Variants in LRRC63 observed in about 807,000 individuals in gnomAD.
LRRC63 encodes the protein leucine rich repeat containing 63, also known as leucine-rich repeat-containing protein 63.
LRRC63 carries 40 observed loss-of-function variants against 49.5 expected under a neutral mutation model. The observed-to-expected ratio is 0.81, with a 90% CI of 0.63 to 1.05. The LOEUF is 1.05. Among genes scored for constraint, LRRC63 ranks in the 50% least tolerant of loss-of-function variants. The pLI is 0.00. For missense variants in LRRC63, 636 were observed against 663.1 expected, an observed-to-expected ratio of 0.96 and a Z score of 0.45; for synonymous variants, 191 against 221.1, an observed-to-expected ratio of 0.86 and a Z score of 1.21.
chr13:46,249,421 A>G (rs2047313311), intron 6 of LRRC63, among the ~76,000 whole-genome samples: 1 of 151,864 alleles, frequency 6.6e-6, no homozygotes, highest in African/African-American at 2.4e-5. Flanking sequence ...TTATGTTACT[A>G]AAGACCAGGA....
chr13:46,216,798 A>C (rs767457872), intron 2 of LRRC63, among the ~76,000 whole-genome samples: 1 of 152,158 alleles, frequency 6.6e-6, no homozygotes, highest in Non-Finnish European at 1.5e-5. Context: ...GTTTATTGAG[A>C]GTTTTTAGCA....
intron 4 of LRRC63, among the ~76,000 whole-genome samples, chr13:46,230,684 C>G (rs1257937425): frequency 6.6e-6 from 1 of 152,208 alleles, no homozygotes; most frequent in Non-Finnish European, 1.5e-5. Context: ...TTATGCACAT[C>G]TCTCTAGCAA....
intron 8 of LRRC63, among the ~76,000 whole-genome samples, 155 bp downstream of exon 8, chr13:46,262,147 G>T (rs1479890140): frequency 1.3e-5 from 2 of 151,596 alleles, no homozygotes; most frequent in African/African-American, 4.9e-5. Context: ...AATGATTGGT[G>T]TACAGTATTT....
At chr13:46,238,072 T>C (rs2046953736) in intron 5 of LRRC63, among the ~76,000 whole-genome samples, 1 of 152,060 alleles carries the variant, frequency 6.6e-6, no homozygotes, top group African/African-American at 2.4e-5. Context: ...CATTACATAA[T>C]GTTAAGGGCT....
intron 5 of LRRC63, among the ~76,000 whole-genome samples, chr13:46,239,598 A>G (rs1454596353): frequency 6.6e-6 from 1 of 152,186 alleles, no homozygotes; most frequent in East Asian, 1.9e-4. Context: ...AACTATTCCA[A>G]AAAAATTGAG....
At chr13:46,217,350 T>C (rs1010426356) in intron 2 of LRRC63, among the ~76,000 whole-genome samples, 6 of 152,206 alleles carry the variant, frequency 3.9e-5, no homozygotes, top group Non-Finnish European at 7.3e-5. Flanking sequence ...AGGGTGTATG[T>C]GTCCAGAAAT....
intron 7 of LRRC63, among the ~76,000 whole-genome samples, chr13:46,260,110 A>G (rs1444771617): frequency 6.6e-6 from 1 of 152,198 alleles, no homozygotes; most frequent in Non-Finnish European, 1.5e-5. Context: ...TCTAGAACCT[A>G]TTCAGCTTCC....
intron 7 of LRRC63, among the ~76,000 whole-genome samples, chr13:46,250,724 C>A (rs1034176871): frequency 6.6e-6 from 1 of 151,868 alleles, no homozygotes; most frequent in African/African-American, 2.4e-5. Flanking sequence ...TATCTGAGTA[C>A]GGGTTAAATT....
chr13:46,243,205 T>C (rs973366354), intron 5 of LRRC63, among the ~76,000 whole-genome samples: 3 of 152,230 alleles, frequency 2.0e-5, no homozygotes, highest in African/African-American at 2.4e-5. Flanking sequence ...GAGTTTGTTT[T>C]TGATGCTTTT....
chr13:46,248,439 C>T (rs2047279451), intron 6 of LRRC63, among the ~76,000 whole-genome samples: 2 of 151,590 alleles, frequency 1.3e-5, no homozygotes, highest in South Asian at 4.1e-4. Flanking sequence ...GAGGTTGAAG[C>T]CAAAAGCATG....
At chr13:46,255,018 C>T (rs1010311872) in intron 7 of LRRC63, among the ~76,000 whole-genome samples, 1 of 152,044 alleles carries the variant, frequency 6.6e-6, no homozygotes, top group African/African-American at 2.4e-5. Context: ...CTCAAATGTC[C>T]ATTAACAGAT....
intron 4 of LRRC63, among the ~76,000 whole-genome samples, chr13:46,233,959 C>T (rs534213261): frequency 1.3e-5 from 2 of 152,154 alleles, no homozygotes; most frequent in African/African-American, 4.8e-5. Context: ...ATATGGTTTA[C>T]TTTGGGGAAG....
intron 2 of LRRC63, among the ~76,000 whole-genome samples, chr13:46,218,556 G>T (rs1356537062): frequency 6.6e-6 from 1 of 151,984 alleles, no homozygotes; most frequent in Admixed American, 6.6e-5. Flanking sequence ...TCTTTATCCA[G>T]TTTCCCAGTC....
At chr13:46,242,132 C>T (rs1182981387) in intron 5 of LRRC63, among the ~76,000 whole-genome samples, 1 of 152,110 alleles carries the variant, frequency 6.6e-6, no homozygotes, top group African/African-American at 2.4e-5. Context: ...TACTATGCTG[C>T]CATTAAAAAG....
intron 2 of LRRC63, among the ~76,000 whole-genome samples, chr13:46,216,300 T>C (rs1224882708): frequency 6.6e-6 from 1 of 152,208 alleles, no homozygotes; most frequent in Non-Finnish European, 1.5e-5. Flanking sequence ...CCTTGAGCAG[T>C]GGTTTGTAGT....
chr13:46,249,708 C>T (rs1380591537), intron 6 of LRRC63, among the ~76,000 whole-genome samples: 1 of 151,742 alleles, frequency 6.6e-6, no homozygotes, highest in East Asian at 1.9e-4. Context: ...CTCTACTCCA[C>T]CAATTTTGGA....
rs542472970 is a variant in LRRC63, at chr13:46,259,330, G to A, written c.1227-2579G>A. 2.1e-5 allele frequency among the ~76,000 whole-genome samples: 3 copies of A among 140,060 alleles called. No individual in the cohort carries two copies. The East Asian group carries it at 6.7e-4, about 31-fold the overall frequency. The allele number at this position is 140,060 out of a possible 152,430, so 91.9% of individuals were successfully genotyped here. On this transcript the variant is annotated intron_variant, in intron 7 of 9. Coordinates refer to ENST00000595396, the Ensembl canonical transcript of LRRC63. ...GGAGAAAAAGGGAGGTGGGGTGAAG[G>A]ACAGAGACATGTTTTAGACTCATGC...
intron 7 of LRRC63, among the ~76,000 whole-genome samples, chr13:46,260,357 C>T (rs1303043379): frequency 1.3e-5 from 2 of 152,172 alleles, no homozygotes; most frequent in Admixed American, 6.6e-5. Context: ...ATTGAATAGG[C>T]ATTTCCTTTG....
At chr13:46,247,116 T>G (rs942893052) in intron 6 of LRRC63, among the ~76,000 whole-genome samples, 10 of 152,122 alleles carry the variant, frequency 6.6e-5, no homozygotes, top group Non-Finnish European at 1.5e-4. Flanking sequence ...ACAAATTACG[T>G]TTTTCGTGTC....
Sources: gnomAD v4.1 joint callset for allele counts (sites outside exome capture counted in the v4.1 genomes callset) on GRCh38, gnomAD v4.1.1 for gene constraint, MANE v1.5 for transcripts, NCBI Gene and HGNC (gene_info 2026-07-23, HGNC 2026-07-21) for gene names.